The following EARS2 variants were observed in gnomAD, a reference collection of about 807,000 sequenced individuals.
EARS2 encodes nondiscriminating glutamyl-tRNA synthetase EARS2, mitochondrial.
A neutral mutation model predicts 54.1 loss-of-function variants in EARS2; 50 were observed. That is an observed-to-expected ratio of 0.92 (90% CI 0.74 to 1.17). The LOEUF is 1.17. Ranked by LOEUF, EARS2 falls within the 50% of genes most tolerant of loss-of-function variation. The probability of loss-of-function intolerance (pLI) is 0.00; values close to 1 mark genes in which losing one functional copy is unlikely to be tolerated. For synonymous variants in EARS2, 298 were observed against 281.0 expected, an observed-to-expected ratio of 1.06 and a Z score of -0.61; for missense variants, 673 against 675.0, an observed-to-expected ratio of 1.00 and a Z score of 0.03.
chr16:23,555,083 T>C (rs1296085369), intron 1 of EARS2, among the ~76,000 whole-genome samples: 3 of 152,370 alleles, frequency 2.0e-5, no homozygotes, highest in South Asian at 2.1e-4. Flanking sequence ...CTGGGTGTAC[T>C]AGACCTTACT....
intron 8 of EARS2, 61 bp downstream of exon 8, chr16:23,525,183 G>A (rs746993976): frequency 3.7e-6 from 6 of 1,612,600 alleles, no homozygotes; most frequent in South Asian, 3.3e-5. Flanking sequence ...GCCAGGAAAT[G>A]TAAGTTCAAA....
At position 23,523,307 on chromosome 16, in the gene EARS2, C is replaced by T. The variant is rs921535842; in HGVS notation, c.*1064G>A. The T allele has an allele frequency of 1.3e-5, 2 of 152,148 alleles. No individual in the cohort carries two copies. The highest frequency in any genetic ancestry group is 2.9e-5 in the Non-Finnish European group (2 of 68,046). 9.4% of individuals were successfully genotyped at this position (152,148 alleles called of 1,614,324 possible). A position where few individuals can be genotyped will look rare whatever the true frequency, so the allele number is the denominator to read the frequency against. On this transcript the variant is annotated 3_prime_UTR_variant, in exon 9 of 9. Coordinates refer to ENST00000449606, the MANE Select transcript of EARS2 (RefSeq NM_001083614.2). ...AAGAAGCATATCTCATTTCAGAAAC[C>T]AGCAGAGATGATGACTTATAAGTCA... is the stretch of plus-strand genomic sequence containing the variant.
chr16:23,550,237 C>T (rs555212920), intron 2 of EARS2, among the ~76,000 whole-genome samples: 2 of 151,794 alleles, frequency 1.3e-5, no homozygotes, highest in Non-Finnish European at 2.9e-5. Flanking sequence ...CATGGTGGCA[C>T]ACAGCTATGG....
rs923877967 is a variant in EARS2, at chr16:23,529,364, G to A, written c.1352+138C>T. ...GGGTAAGCCCTCCTCACCAGCGAAA[G>A]CCAGTGAAGGGTCACTTCTTCACTG... On this transcript the variant is annotated intron_variant, in intron 7 of 8. Coordinates refer to ENST00000449606, the MANE Select transcript of EARS2 (RefSeq NM_001083614.2). 11 of 1,168,732 alleles carry A rather than the reference G, an allele frequency of 9.4e-6. No individual in the cohort carries two copies. The African/African-American group carries it at 1.7e-4, about 18-fold the overall frequency. 72.4% of individuals were successfully genotyped at this position (1,168,732 alleles called of 1,614,324 possible).
Position 23,534,972 on chromosome 16 carries a change from C to A in EARS2, c.874G>T (p.Val292Phe), listed in dbSNP as rs199575087. The change falls in exon 4 of 9, where the codon GTT becomes TTT. Residue 292 changes from valine (V) to phenylalanine (F), a missense_variant. Physicochemically the swap from Val to Phe is conservative, Grantham distance 50 (BLOSUM62 -1). Around this residue, in one of 3 missense-constraint regions of EARS2, gnomAD observed 338 missense variants for 361.2 expected, o/e 0.94. Coordinates refer to ENST00000449606, the MANE Select transcript of EARS2 (RefSeq NM_001083614.2). ...TCAGCAGCAAAGTGCTCCAGGAAAA[C>A]GTCCCCTTGCCTCTTGGAGAGCTTG... ...GSKLSKRQGDVFLEHFAADGF... is the reference protein window; with the variant it reads ...GSKLSKRQGDFFLEHFAADGF... The A allele has an allele frequency of 3.1e-6, 5 of 1,611,516 alleles. No homozygotes were observed. The Admixed American group carries it at 8.4e-5, about 27-fold the overall frequency.
rs374457022 is a variant in EARS2 at position 23,552,014 on chromosome 16, C to G, written c.295+135G>C. The stretch of plus-strand genomic sequence containing the variant: ...TTCAGGTGTCATCTGCCACCCCGGG[C>G]AGGGCAGTACAAATGTAGCCACTTC... On this transcript the variant is annotated intron_variant, in intron 2 of 8. Transcript: ENST00000449606. 2.4e-5 allele frequency: 26 copies of G among 1,076,956 alleles called. No homozygotes were observed. The African/African-American group carries it at 3.9e-4, about 16-fold the overall frequency. 66.7% of individuals were successfully genotyped at this position (1,076,956 alleles called of 1,614,324 possible). A position where few individuals can be genotyped will look rare whatever the true frequency, so the allele number is the denominator to read the frequency against.
At chr16:23,534,694 C>G (rs1436476538) in intron 4 of EARS2, among the ~76,000 whole-genome samples, 194 bp downstream of exon 4, 1 of 152,148 alleles carries the variant, frequency 6.6e-6, no homozygotes, top group African/African-American at 2.4e-5. Flanking sequence ...TCTATCTCAC[C>G]CACTACTGTA....
At chr16:23,557,107 C>G in intron 1 of EARS2, 98 bp downstream of exon 1, 1 of 1,458,132 alleles carries the variant, frequency 6.9e-7, no homozygotes, top group Non-Finnish European at 9.0e-7. Context: ...TCCGCCCGCC[C>G]ACTCTGACAC....
Position 23,532,749 on chromosome 16 carries a change from C to A in EARS2, c.975G>T (p.Arg325Ser). The A allele has an allele frequency of 6.2e-7, 1 of 1,613,558 alleles. No homozygotes were observed. Among genetic ancestry groups the A allele is most frequent in the Non-Finnish European group, 8.5e-7 (1 of 1,179,640 alleles). ...ACTGTGTGATCAGCTCCGGCAGGGTCCTGCCCATTTGGTTCTCTGCAAAGA... is the reference window on the plus strand; with the variant it reads ...ACTGTGTGATCAGCTCCGGCAGGGTACTGCCCATTTGGTTCTCTGCAAAGA... ...GSGFAENQMG[R>S]TLPELITQFN... Residue 325 changes from arginine to serine, a missense_variant, in exon 5 of 9, where the codon AGG becomes AGT. Physicochemically the swap from Arg to Ser is moderately radical, Grantham distance 110 (BLOSUM62 -1). Around this residue, in one of 3 missense-constraint regions of EARS2, gnomAD observed 338 missense variants for 361.2 expected, o/e 0.94. Transcript: ENST00000449606.
chr16:23,547,222 A>G (rs1255081101), intron 2 of EARS2, among the ~76,000 whole-genome samples: 1 of 152,232 alleles, frequency 6.6e-6, no homozygotes, highest in Non-Finnish European at 1.5e-5. Context: ...AGATGCGCTT[A>G]TGGTAAGTGA....
rs552742154 is a variant in EARS2, at chr16:23,538,106, A to G, written c.486-2746T>C. On this transcript the variant is annotated intron_variant, in intron 3 of 8. Coordinates refer to ENST00000449606, the MANE Select transcript of EARS2 (RefSeq NM_001083614.2). Reference sequence around the variant, plus strand: ...CTGGAACAGATATTCTAATCGATACATTGATGATGCAGTAAGAAAACTGTA... The same window carrying G: ...CTGGAACAGATATTCTAATCGATACGTTGATGATGCAGTAAGAAAACTGTA... Among the ~76,000 whole-genome samples the G allele has an allele frequency of 4.8e-3, 706 of 147,164 alleles. 4 individuals carry two copies. Among genetic ancestry groups the G allele is most frequent in the Non-Finnish European group, 6.4e-3 (430 of 66,944 alleles).
In EARS2 at chr16:23,524,302, G is replaced by C; in HGVS notation, c.*69C>G. On this transcript the variant is annotated 3_prime_UTR_variant, in exon 9 of 9. Transcript: ENST00000449606. ...CCCGACGGGCCCCAGGCCTCCTTCT[G>C]GTCTCTGAAAGCTGTTTCTAAGCTC... 1.4e-6 allele frequency: 2 copies of C among 1,398,766 alleles called. No individual in the cohort carries two copies. Among genetic ancestry groups the C allele is most frequent in the South Asian group, 2.3e-5 (2 of 86,476 alleles). The allele number at this position is 1,398,766 out of a possible 1,614,324, so 86.6% of individuals were successfully genotyped here.
At chr16:23,542,109 C>T (rs934782276) in intron 3 of EARS2, among the ~76,000 whole-genome samples, 1 of 151,746 alleles carries the variant, frequency 6.6e-6, no homozygotes, top group Admixed American at 6.6e-5. Context: ...CTGCCCACCT[C>T]GGCTTCCCAA....
At chr16:23,546,086 T>C (rs1965598892) in intron 2 of EARS2, among the ~76,000 whole-genome samples, 1 of 152,210 alleles carries the variant, frequency 6.6e-6, no homozygotes, top group Admixed American at 6.5e-5. Flanking sequence ...TCAGTGCTTA[T>C]AAGCACTTAG....
intron 3 of EARS2, among the ~76,000 whole-genome samples, chr16:23,542,582 G>A (rs1439748618): frequency 6.6e-6 from 1 of 151,836 alleles, no homozygotes; most frequent in Non-Finnish European, 1.5e-5. Flanking sequence ...CCAAAGTGCT[G>A]GGATTACAGG....
chr16:23,532,361 A>C (rs186307165), intron 5 of EARS2, among the ~76,000 whole-genome samples: 66 of 152,300 alleles, frequency 4.3e-4, no homozygotes, highest in South Asian at 8.3e-4. Context: ...CTAGGAACAT[A>C]ATGTTAATGA....
At position 23,529,561 on chromosome 16, in the gene EARS2, A is replaced by C; in HGVS notation, c.1293T>G (p.Gly431=). The change falls in exon 7 of 9, where the codon GGT becomes GGG. Residue 431 remains glycine, a synonymous_variant. Coordinates refer to ENST00000449606, the MANE Select transcript of EARS2 (RefSeq NM_001083614.2). ...YSYLWTRPAV[G]RAQLDAISEK... ...CCGAGATGGCGTCCAGCTGTGCTCG[A>C]CCTACTGCAGGGCGAGTCCACAGGT... 1 of 1,614,104 alleles carries C rather than the reference A, an allele frequency of 6.2e-7. No homozygotes were observed. The highest frequency in any genetic ancestry group is 1.3e-5 in the African/African-American group (1 of 75,012).
At chr16:23,533,660 C>T (rs759957053) in intron 4 of EARS2, among the ~76,000 whole-genome samples, 1 of 152,320 alleles carries the variant, frequency 6.6e-6, no homozygotes, top group South Asian at 2.1e-4. Flanking sequence ...CAGAACAGTA[C>T]GCCCATTGCC....
intron 3 of EARS2, among the ~76,000 whole-genome samples, chr16:23,541,317 A>C (rs1276881493): frequency 6.6e-6 from 1 of 152,164 alleles, no homozygotes; most frequent in Non-Finnish European, 1.5e-5. Context: ...ATAGAGCAAG[A>C]CTCCATTTCT....
Sources: allele counts gnomAD v4.1 joint callset (sites outside exome capture counted in the v4.1 genomes callset), GRCh38; gene constraint gnomAD v4.1.1; regional missense constraint gnomAD v4.1.1; transcripts MANE v1.5; gene names NCBI Gene and HGNC (gene_info 2026-07-23, HGNC 2026-07-21).